PKM: variants seen among roughly 807,000 people sequenced by gnomAD.
PKM encodes the protein pyruvate kinase PKM.
PKM carries 18 observed loss-of-function variants against 49.8 expected under a neutral mutation model. The observed-to-expected ratio is 0.36, with a 90% CI of 0.25 to 0.54. PKM has a LOEUF of 0.54. PKM is among the 20% of genes least tolerant of loss of function. The pLI is 0.89. For missense variants in PKM, 508 were observed against 713.8 expected (o/e 0.71, Z 3.28); for synonymous variants, 239 against 261.8 (o/e 0.91, Z 0.84).
At chr15:72,218,820 A>G in intron 2 of PKM, 124 bp downstream of exon 2, 2 of 977,004 alleles carry the variant, frequency 2.0e-6, no homozygotes, top group Non-Finnish European at 3.2e-6. Context: ...GAGTCCTTTC[A>G]TAAGAATCTG....
chr15:72,214,157 C>G (rs2082321464), intron 3 of PKM, among the ~76,000 whole-genome samples: 1 of 152,084 alleles, frequency 6.6e-6, no homozygotes, highest in South Asian at 2.1e-4. Context: ...GTTTTCTTGA[C>G]TTTGTTCTTA....
At chr15:72,223,650 A>G (rs996720701) in intron 1 of PKM, among the ~76,000 whole-genome samples, 1 of 152,226 alleles carries the variant, frequency 6.6e-6, no homozygotes, top group Non-Finnish European at 1.5e-5. Context: ...GGCCAGCAAC[A>G]TGATCAAAAT....
Position 72,209,779 on chromosome 15 carries a change from G to C in PKM, c.459C>G (p.Asp153Glu). The change falls in exon 5 of 11, where the codon GAC becomes GAG. Residue 153 changes from aspartate (D) to glutamate (E), a missense_variant. Physicochemically the swap from Asp to Glu is conservative, Grantham distance 45 (BLOSUM62 2). Coordinates refer to ENST00000335181, the MANE Select transcript of PKM (RefSeq NM_002654.6). ...TGTAGTCCAGCCACAGGATGTTCTC[G>C]TCACACTTTTCCATGTAGGCGTTAT... ...TLDNAYMEKCDENILWLDYKN... is the reference protein window; with the variant it reads ...TLDNAYMEKCEENILWLDYKN... 6.2e-7 allele frequency: 1 copy of C among 1,613,964 alleles called. No individual in the cohort carries two copies. The highest frequency in any genetic ancestry group is 8.5e-7 in the Non-Finnish European group (1 of 1,179,946).
chr15:72,208,675 T>C lies in PKM; in HGVS notation c.782A>G (p.Lys261Arg). The part of the protein sequence containing the change: ...VHEVRKVLGE[K>R]GKNIKIISKI... ...GCTGATAATCTTGATGTTCTTTCCC[T>C]TCTCTCCCAGGACCTTCCTAACTTC... Residue 261 changes from lysine (K) to arginine (R), a missense_variant, in exon 6 of 11, where the codon AAG (lysine) becomes AGG (arginine). Transcript: ENST00000335181. 6.2e-7 allele frequency: 1 copy of C among 1,614,140 alleles called. No individual in the cohort carries two copies. Among genetic ancestry groups the C allele is most frequent in the Non-Finnish European group, 8.5e-7 (1 of 1,180,024 alleles).
At chr15:72,207,550 T>A (rs1398601470) in intron 6 of PKM, among the ~76,000 whole-genome samples, 1 of 152,194 alleles carries the variant, frequency 6.6e-6, no homozygotes, top group Non-Finnish European at 1.5e-5. Context: ...AATGGGCTCA[T>A]TCCCAAGGTC....
intron 1 of PKM, among the ~76,000 whole-genome samples, chr15:72,226,214 G>C (rs1217473147): frequency 6.6e-6 from 1 of 152,206 alleles, no homozygotes; most frequent in African/African-American, 2.4e-5. Flanking sequence ...ATGGCCAAGG[G>C]AGATATCAGT....
At chr15:72,215,451 A>C (rs980581199) in intron 3 of PKM, among the ~76,000 whole-genome samples, 1 of 152,220 alleles carries the variant, frequency 6.6e-6, no homozygotes, top group Non-Finnish European at 1.5e-5. Context: ...AGCTGAGCCC[A>C]CACACAACCT....
At position 72,202,515 on chromosome 15, in the gene PKM, C is replaced by A; in HGVS notation, c.1246G>T (p.Ala416Ser). Residue 416 changes from alanine to serine, a missense_variant, in exon 9 of 11, where the codon GCC (alanine) becomes TCC (serine). By Grantham distance (99) the Ala-to-Ser change is moderately conservative. Coordinates refer to ENST00000335181, the MANE Select transcript of PKM (RefSeq NM_002654.6). This position sits in a 1 kb window ranked among gnomAD's most constrained non-coding sequence, Gnocchi z 4.5. ...SDPTEATAVG[A>S]VEASFKCCSG... is the part of the protein sequence containing the mutation. Reference sequence around the variant, plus strand: ...CAGCACTTGAAGGAGGCCTCCACGGCACCCACGGCGGTGGCTTCTGTGGGG... The same window carrying A: ...CAGCACTTGAAGGAGGCCTCCACGGAACCCACGGCGGTGGCTTCTGTGGGG... The A allele has an allele frequency of 6.2e-7, 1 of 1,613,660 alleles. No homozygotes were observed. Among genetic ancestry groups the A allele is most frequent in the Non-Finnish European group, 8.5e-7 (1 of 1,179,900 alleles).
chr15:72,228,709 C>G, intron 1 of PKM: 1 of 997,190 alleles, frequency 1.0e-6, no homozygotes, highest in South Asian at 1.4e-5. Context: ...CTCCTGCCCC[C>G]ACAGCACCTC....
Position 72,207,275 on chromosome 15 carries a change from A to C in PKM, c.839T>G (p.Phe280Cys). The change falls in exon 7 of 11, where the codon TTT becomes TGT. Residue 280 changes from phenylalanine to cysteine, a missense_variant and splice_region_variant. By Grantham distance (205) the Phe-to-Cys change is radical (BLOSUM62 -2). Coordinates refer to ENST00000335181, the MANE Select transcript of PKM (RefSeq NM_002654.6). ...KIENHEGVRR[F>C]DEILEASDGI... is the part of the protein sequence containing the mutation. ...ATCACTGGCCTCCAGGATTTCATCA[A>C]ACCTGATGGACAAAGTTGGGGGGAG... The C allele has an allele frequency of 6.2e-7, 1 of 1,614,062 alleles. No individual in the cohort carries two copies. Among genetic ancestry groups the C allele is most frequent in the Non-Finnish European group, 8.5e-7 (1 of 1,179,898 alleles).
chr15:72,221,063 C>G, intron 1 of PKM: 1 of 726,198 alleles, frequency 1.4e-6, no homozygotes, highest in Non-Finnish European at 2.4e-6. Context: ...GTTGGAGTAA[C>G]TAATTCCACT....
chr15:72,205,674 G>A (rs2082058991), intron 8 of PKM, among the ~76,000 whole-genome samples: 1 of 135,978 alleles, frequency 7.4e-6, no homozygotes, highest in Admixed American at 7.9e-5. Flanking sequence ...AGGGGGTGGC[G>A]TTTTAAACTT....
Position 72,202,761 on chromosome 15 carries a change from C to T in PKM, c.1141-141G>A. The T allele has an allele frequency of 1.3e-6, 1 of 774,970 alleles. No homozygotes were observed. The highest frequency in any genetic ancestry group is 2.1e-6 in the Non-Finnish European group (1 of 465,750). The allele number at this position is 774,970 out of a possible 1,614,324, so 48.0% of individuals were successfully genotyped here. A position where few individuals can be genotyped will look rare whatever the true frequency, so the allele number is the denominator to read the frequency against. ...CTGGGAACAAAGGCCAAGAGGAGCCCAATCACTGGAGATTCTGAGCTGAGC... is the reference window on the plus strand; with the variant it reads ...CTGGGAACAAAGGCCAAGAGGAGCCTAATCACTGGAGATTCTGAGCTGAGC... On this transcript the variant is annotated intron_variant, in intron 8 of 10. Transcript: ENST00000335181. The surrounding 1 kb of genome is among the most constrained non-coding windows in gnomAD (Gnocchi z 4.5).
At position 72,206,794 on chromosome 15, in the gene PKM, G is replaced by A. The variant is rs1176115744; in HGVS notation, c.1074C>T (p.Cys358=). 4 of 1,614,050 alleles carry A rather than the reference G, an allele frequency of 2.5e-6. No individual in the cohort carries two copies. The African/African-American group carries it at 5.3e-5, about 22-fold the overall frequency. ...VANAVLDGAD[C]IMLSGETAKG... is the part of the protein sequence containing the mutation. ...TGGCTGTTTCTCCAGACAGCATGATGCAGTCGGCTCCATCCAGGACTGCAT... is the reference window on the plus strand; with the variant it reads ...TGGCTGTTTCTCCAGACAGCATGATACAGTCGGCTCCATCCAGGACTGCAT... The change falls in exon 8 of 11, where the codon TGC becomes TGT. Residue 358 remains cysteine, a synonymous_variant. Transcript: ENST00000335181.
At chr15:72,230,019 C>T (rs887140328) in intron 1 of PKM, among the ~76,000 whole-genome samples, 3 of 152,182 alleles carry the variant, frequency 2.0e-5, no homozygotes, top group South Asian at 4.1e-4. Context: ...AGAGGTTTAT[C>T]CCGCCCGTTA....
intron 5 of PKM, 156 bp downstream of exon 5, chr15:72,209,517 C>T: frequency 1.5e-6 from 1 of 656,536 alleles, no homozygotes; most frequent in African/African-American, 1.9e-5. Context: ...GGATTAAAGC[C>T]TATCTTTGAG....
At chr15:72,215,635 C>G (rs1156457434) in intron 3 of PKM, among the ~76,000 whole-genome samples, 1 of 152,202 alleles carries the variant, frequency 6.6e-6, no homozygotes, top group East Asian at 1.9e-4. Flanking sequence ...AGCTCTCATC[C>G]AGCAGGTGTG....
At chr15:72,219,267 T>C (rs1348223293) in intron 1 of PKM, 157 bp from the exon 2 acceptor site, 2 of 649,330 alleles carry the variant, frequency 3.1e-6, no homozygotes, top group African/African-American at 3.6e-5. Flanking sequence ...ATGTGGGTGC[T>C]CCTCATGTTA....
Position 72,210,414 on chromosome 15 carries a change from A to G in PKM, c.311T>C (p.Leu104Pro). ...ATESFASDPILYRPVAVALDT... is the reference protein window; with the variant it reads ...ATESFASDPIPYRPVAVALDT... ...TAGAGCCACAGCAACGGGCCGGTAG[A>G]GGATGGGGTCAGAAGCAAAGCTTTC... is the stretch of plus-strand genomic sequence containing the variant. The change falls in exon 4 of 11, where the codon CTC becomes CCC. Residue 104 changes from leucine (L) to proline (P), a missense_variant. Coordinates refer to ENST00000335181, the MANE Select transcript of PKM (RefSeq NM_002654.6). 1 of 1,614,236 alleles carries G rather than the reference A, an allele frequency of 6.2e-7. No individual in the cohort carries two copies. The highest frequency in any genetic ancestry group is 8.5e-7 in the Non-Finnish European group (1 of 1,180,030).
Sources: gnomAD v4.1 joint callset for allele counts (sites outside exome capture counted in the v4.1 genomes callset) on GRCh38, gnomAD v4.1.1 for gene constraint, Gnocchi (gnomAD v3.1) non-coding constraint, MANE v1.5 for transcripts, NCBI Gene and HGNC (gene_info 2026-07-23, HGNC 2026-07-21) for gene names.